Variants in FBXL13 observed in about 807,000 individuals in gnomAD.
FBXL13 encodes the protein F-box and leucine-rich repeat protein 13.
FBXL13 carries 67 observed loss-of-function variants against 83.6 expected under a neutral mutation model. The ratio of observed to expected loss-of-function variants is 0.80; its 90% CI spans 0.66 to 0.98. The LOEUF (loss-of-function observed/expected upper bound fraction) is 0.98. Among genes scored for constraint, FBXL13 ranks in the 50% least tolerant of loss-of-function variants. The pLI, the probability that FBXL13 is intolerant of heterozygous loss-of-function variation, is 0.00. For synonymous variants in FBXL13, 272 were observed against 299.5 expected, an observed-to-expected ratio of 0.91 and a Z score of 0.95; for missense variants, 822 against 866.5, an observed-to-expected ratio of 0.95 and a Z score of 0.64.
At chr7:103,052,767 T>C (rs1385605928) in intron 2 of FBXL13, among the ~76,000 whole-genome samples, 1 of 151,666 alleles carries the variant, frequency 6.6e-6, no homozygotes, top group Non-Finnish European at 1.5e-5. Context: ...TTTTTTTTTT[T>C]TTTTTTGAGA....
chr7:102,861,799 T>G (rs571888289), intron 16 of FBXL13, among the ~76,000 whole-genome samples: 60 of 151,438 alleles, frequency 4.0e-4, no homozygotes, highest in African/African-American at 1.4e-3. Context: ...CTGGCCAGCA[T>G]GGCAAAACCC....
rs967263609 is a variant in FBXL13 at position 102,841,072 on chromosome 7, C to A, written c.1720-8098G>T. Among the ~76,000 whole-genome samples, 3 of 152,068 alleles carry A rather than the reference C, an allele frequency of 2.0e-5. No homozygotes were observed. The East Asian group carries it at 5.8e-4, about 29-fold the overall frequency. On this transcript the variant is annotated intron_variant, in intron 17 of 19. Transcript: ENST00000313221. The stretch of plus-strand genomic sequence containing the variant: ...GAAATCATAGCTCCTGTGAGACATG[C>A]CACAGGCCCTTGGTTTATGTCAGGC...
At chr7:102,994,119 C>T (rs1829852071) in intron 6 of FBXL13, among the ~76,000 whole-genome samples, 1 of 152,044 alleles carries the variant, frequency 6.6e-6, no homozygotes, top group Admixed American at 6.6e-5. Context: ...GCATAACAAA[C>T]CCAACCATTC....
exon 15 of FBXL13, chr7:102,878,394 C>T: frequency 6.2e-7 from 1 of 1,610,384 alleles, no homozygotes. Flanking sequence ...ATTTAGCTCT[C>T]TTATCCTCAT....
At chr7:102,897,989 G>C (rs923334548) in intron 11 of FBXL13, among the ~76,000 whole-genome samples, 1 of 152,092 alleles carries the variant, frequency 6.6e-6, no homozygotes, top group Admixed American at 6.5e-5. Context: ...TTAATTACAT[G>C]GGTAAAAATA....
intron 7 of FBXL13, among the ~76,000 whole-genome samples, chr7:102,967,344 C>A (rs1006723636): frequency 6.6e-6 from 1 of 151,834 alleles, no homozygotes; most frequent in Non-Finnish European, 1.5e-5. Flanking sequence ...ACGGTCTCAG[C>A]TCACTGCAAC....
At chr7:102,995,413 G>A (rs113823700) in intron 6 of FBXL13, among the ~76,000 whole-genome samples, 2,201 of 149,430 alleles carry the variant, frequency 0.015, 43 homozygotes, top group African/African-American at 0.052. Context: ...CTCGGGAGGC[G>A]GAGCTTGCAG....
At chr7:103,027,304 TA>T in intron 5 of FBXL13, 144 bp downstream of exon 6, 1 of 573,664 alleles carries the variant, frequency 1.7e-6, no homozygotes, top group Non-Finnish European at 2.9e-6. Flanking sequence ...CCCAAAAAAA[TA>T]AAAATAAAAA....
At chr7:103,038,314 C>G (rs1354554520) in intron 2 of FBXL13, among the ~76,000 whole-genome samples, 1 of 151,080 alleles carries the variant, frequency 6.6e-6, no homozygotes, top group African/African-American at 2.4e-5. Flanking sequence ...CCAGGAAGCA[C>G]AAACTGGGCG....
chr7:103,038,672 C>T (rs903967740), intron 2 of FBXL13, among the ~76,000 whole-genome samples: 13 of 152,160 alleles, frequency 8.5e-5, no homozygotes. Flanking sequence ...GATACATAGG[C>T]AAACAAGGTC....
chr7:102,976,682 T>C (rs1827516617), intron 6 of FBXL13, among the ~76,000 whole-genome samples: 1 of 151,968 alleles, frequency 6.6e-6, no homozygotes, highest in Non-Finnish European at 1.5e-5. Flanking sequence ...GCCCACCCAG[T>C]TCCTATCACA....
intron 6 of FBXL13, among the ~76,000 whole-genome samples, chr7:103,021,726 G>C (rs1435755382): frequency 1.3e-5 from 2 of 152,122 alleles, no homozygotes; most frequent in African/African-American, 4.8e-5. Flanking sequence ...ACAGACACAT[G>C]AAAAAATGCT....
intron 1 of FBXL13, among the ~76,000 whole-genome samples, chr7:103,063,622 T>G (rs1284825320): frequency 3.9e-5 from 6 of 151,952 alleles, no homozygotes; most frequent in African/African-American, 1.5e-4. Flanking sequence ...CCATCTGGAA[T>G]CTTACTATAA....
chr7:103,072,227 T>C (rs2129507259), intron 1 of FBXL13, among the ~76,000 whole-genome samples: 1 of 151,488 alleles, frequency 6.6e-6, no homozygotes, highest in East Asian at 1.9e-4. Context: ...TTGAGTCAGA[T>C]AAATAAATGT....
chr7:103,007,230 T>A (rs1791082455), intron 6 of FBXL13, among the ~76,000 whole-genome samples: 1 of 151,782 alleles, frequency 6.6e-6, no homozygotes, highest in Admixed American at 6.6e-5. Context: ...AACCCACAGA[T>A]CCAAGAAGCT....
chr7:102,841,449 G>A (rs906458068), intron 17 of FBXL13, among the ~76,000 whole-genome samples: 3 of 152,142 alleles, frequency 2.0e-5, no homozygotes, highest in Non-Finnish European at 2.9e-5. Flanking sequence ...TGCTTCAGTT[G>A]TCTGAGAGTG....
chr7:102,834,060 GGAAGGAAGGAAGGAAGGAAGGAAA>G (rs1801224777), intron 17 of FBXL13, among the ~76,000 whole-genome samples: 6 of 111,994 alleles, frequency 5.4e-5, no homozygotes, highest in Non-Finnish European at 8.7e-5. Flanking sequence ...AAGGAAGGAA[GGAAGGAAGGAAGGAAGGAAGGAAA>G]GAAAAGAAAG....
intron 11 of FBXL13, among the ~76,000 whole-genome samples, chr7:102,909,515 G>A (rs1300469474): frequency 6.6e-6 from 1 of 152,124 alleles, no homozygotes; most frequent in African/African-American, 2.4e-5. Context: ...AAGCCTGCAA[G>A]TCACAGAGGC....
intron 18 of FBXL13, among the ~76,000 whole-genome samples, chr7:102,828,535 T>G (rs1310646822): frequency 1.3e-5 from 2 of 152,188 alleles, no homozygotes; most frequent in African/African-American, 4.8e-5. Context: ...TCCTCTCCCT[T>G]TACATTATAA....
Sources: allele counts gnomAD v4.1 joint callset (sites outside exome capture counted in the v4.1 genomes callset), GRCh38; gene constraint gnomAD v4.1.1; transcripts MANE v1.5; gene names NCBI Gene and HGNC (gene_info 2026-07-23, HGNC 2026-07-21).